Variants in XPO5 observed in about 807,000 individuals in gnomAD.
XPO5 encodes the protein exportin-5.
In XPO5, 46 loss-of-function variants were observed where a neutral mutation model predicts 160.6. The ratio of observed to expected loss-of-function variants is 0.29; its 90% CI spans 0.23 to 0.37. The LOEUF is 0.37. XPO5 is among the 10% of genes least tolerant of loss of function. XPO5 has a pLI of 1.00. For synonymous variants in XPO5, 537 were observed against 519.3 expected, an observed-to-expected ratio of 1.03 and a Z score of -0.46; for missense variants, 1,090 against 1,463.9, an observed-to-expected ratio of 0.74 and a Z score of 4.17.
At position 43,576,024 on chromosome 6, in the gene XPO5, G is replaced by T; in HGVS notation, c.-160C>A. On this transcript the variant is annotated 5_prime_UTR_variant, in exon 1 of 32. Coordinates refer to ENST00000265351, the MANE Select transcript of XPO5 (RefSeq NM_020750.3). ...TAGCAGCAACTCGCGCTGGGAAGAA[G>T]CCGGCGCTGCGCACGCGCCCGGCCC... 1 of 603,088 alleles carries T rather than the reference G, an allele frequency of 1.7e-6. No individual in the cohort carries two copies. The highest frequency in any genetic ancestry group is 2.1e-5 in the South Asian group (1 of 46,794). The allele number at this position is 603,088 out of a possible 1,614,324, so 37.4% of individuals were successfully genotyped here. A position where few individuals can be genotyped will look rare whatever the true frequency, so the allele number is the denominator to read the frequency against.
chr6:43,525,447 G>A (rs925759108), intron 28 of XPO5: 3 of 534,418 alleles, frequency 5.6e-6, no homozygotes, highest in Non-Finnish European at 9.9e-6. Flanking sequence ...TTAGGAGCTG[G>A]AGTTTTAAAT....
chr6:43,570,495 C>T lies in XPO5; in HGVS notation c.621+7G>A. On this transcript the variant is annotated splice_region_variant and intron_variant, in intron 5 of 31. Coordinates refer to ENST00000265351, the MANE Select transcript of XPO5 (RefSeq NM_020750.3). ...ATAGAAATGTTATAGGTAGGGGTAT[C>T]CCTTACCACTTGCTGATACTTGTTT... 1.2e-6 allele frequency: 2 copies of T among 1,612,070 alleles called. No homozygotes were observed. Among genetic ancestry groups the T allele is most frequent in the South Asian group, 1.1e-5 (1 of 90,816 alleles).
chr6:43,563,571 G>A lies in XPO5; in HGVS notation c.912-1225C>T, dbSNP rs896045301. Among the ~76,000 whole-genome samples, 2 of 152,154 alleles carry A rather than the reference G, an allele frequency of 1.3e-5. 1 individual carries two copies. Among genetic ancestry groups the A allele is most frequent in the Non-Finnish European group, 2.9e-5 (2 of 68,022 alleles). On this transcript the variant is annotated intron_variant, in intron 8 of 31. Transcript: ENST00000265351. ...TATCACCATTTGAACATGATAGAGT[G>A]TACTTACACAAACTTACACAACAGG... is the stretch of plus-strand genomic sequence containing the variant.
At position 43,526,765 on chromosome 6, in the gene XPO5, G is replaced by T; in HGVS notation, c.2921-18C>A. The T allele has an allele frequency of 6.2e-7, 1 of 1,612,386 alleles. No individual in the cohort carries two copies. The highest frequency in any genetic ancestry group is 8.5e-7 in the Non-Finnish European group (1 of 1,179,228). On this transcript the variant is annotated intron_variant, in intron 26 of 31. Coordinates refer to ENST00000265351, the MANE Select transcript of XPO5 (RefSeq NM_020750.3). Reference sequence around the variant, plus strand: ...GCAAACCGCTAAAGCAAGAAAGCAGGGTTACTAGGTGAAGGGTGGGTATAT... The same window carrying T: ...GCAAACCGCTAAAGCAAGAAAGCAGTGTTACTAGGTGAAGGGTGGGTATAT...
intron 31 of XPO5, 38 bp from the exon 32 acceptor site, chr6:43,524,043 C>T: frequency 1.9e-6 from 3 of 1,600,542 alleles, no homozygotes; most frequent in Non-Finnish European, 1.7e-6. Flanking sequence ...ATGCTGGGCC[C>T]TCAGTAGTAG....
In XPO5 at chr6:43,549,880, T is replaced by C. The variant is rs1561876600; in HGVS notation, c.1770+13A>G. Reference sequence around the variant, plus strand: ...AAGAAGTTAGAATCTATTGGTTTAATTAATGGTCTTACCTTACTTTCTTCA... The same window carrying C: ...AAGAAGTTAGAATCTATTGGTTTAACTAATGGTCTTACCTTACTTTCTTCA... On this transcript the variant is annotated intron_variant, in intron 16 of 31. Coordinates refer to ENST00000265351, the MANE Select transcript of XPO5 (RefSeq NM_020750.3). 2.5e-6 allele frequency: 4 copies of C among 1,606,028 alleles called. No individual in the cohort carries two copies. The highest frequency in any genetic ancestry group is 1.3e-5 in the African/African-American group (1 of 74,840).
At chr6:43,557,427 A>C (rs112903748) in intron 12 of XPO5, among the ~76,000 whole-genome samples, 2,840 of 151,504 alleles carry the variant, frequency 0.019, 35 homozygotes, top group South Asian at 0.039. Flanking sequence ...CTCCATCTCA[A>C]AAAAAAAAGA....
At chr6:43,525,035 C>G in intron 29 of XPO5, 67 bp from the exon 30 acceptor site, 1 of 1,587,974 alleles carries the variant, frequency 6.3e-7, no homozygotes. Flanking sequence ...CCCAGTTCTT[C>G]TGAATGATTT....
intron 19 of XPO5, chr6:43,547,235 G>A (rs898114088): frequency 1.1e-5 from 4 of 372,340 alleles, no homozygotes; most frequent in Admixed American, 8.1e-5. Context: ...AAATAGCAAA[G>A]CACTGAAAAA....
rs778802584 is a variant in XPO5 at position 43,527,688 on chromosome 6, T to C, written c.2866A>G (p.Met956Val). ...ATCCTCACCAGTTGCTCCTCCAGCA[T>C]CTCTTGAGACTCTGGGTTTTCATCT... ...AADENPESQE[M>V]LEEQLVRMLT... is the part of the protein sequence containing the mutation. Residue 956 changes from methionine to valine, a missense_variant, in exon 26 of 32, where the codon ATG (methionine) becomes GTG (valine). This residue lies in a region of XPO5 where 810 missense variants were observed against 1,139.0 expected (regional missense o/e 0.71). Transcript: ENST00000265351. 6.2e-7 allele frequency: 1 copy of C among 1,613,932 alleles called. No homozygotes were observed. Among genetic ancestry groups the C allele is most frequent in the Non-Finnish European group, 8.5e-7 (1 of 1,179,890 alleles).
chr6:43,558,248 G>A (rs1337893874), intron 12 of XPO5, among the ~76,000 whole-genome samples: 1 of 152,154 alleles, frequency 6.6e-6, no homozygotes, highest in African/African-American at 2.4e-5. Flanking sequence ...AAAGTCAAGA[G>A]CGTCTTAAGT....
intron 5 of XPO5, among the ~76,000 whole-genome samples, chr6:43,569,663 G>A (rs560653645): frequency 6.6e-6 from 1 of 151,848 alleles, no homozygotes; most frequent in African/African-American, 2.4e-5. Flanking sequence ...AACCCAGGAG[G>A]CGGAGGTTGC....
chr6:43,566,340 G>C (rs1762693145), intron 7 of XPO5, among the ~76,000 whole-genome samples: 1 of 152,096 alleles, frequency 6.6e-6, no homozygotes, highest in African/African-American at 2.4e-5. Context: ...GTTGCACTGA[G>C]CTGAGATTGC....
At chr6:43,524,754 G>A (rs1793446842) in intron 30 of XPO5, 77 bp downstream of exon 30, 2 of 1,592,008 alleles carry the variant, frequency 1.3e-6, no homozygotes, top group Non-Finnish European at 1.7e-6. Context: ...CCTGAATTTA[G>A]GATAAGGCCC....
In XPO5 at chr6:43,553,580, C is replaced by G. The variant is rs890280705; in HGVS notation, c.1442-77G>C. The G allele has an allele frequency of 7.3e-6, 11 of 1,499,978 alleles. No individual in the cohort carries two copies. In the East Asian group the frequency reaches 7.5e-5, roughly 10 times the overall value. The allele number at this position is 1,499,978 out of a possible 1,614,324, so 92.9% of individuals were successfully genotyped here. A position where few individuals can be genotyped will look rare whatever the true frequency, so the allele number is the denominator to read the frequency against. On this transcript the variant is annotated intron_variant, in intron 13 of 31. Coordinates refer to ENST00000265351, the MANE Select transcript of XPO5 (RefSeq NM_020750.3). ...CAGCATTGAAAGATCGCAGAAGACA[C>G]AGAGAGACAATGGAGCCTTAGAGAA...
At chr6:43,556,012 T>C (rs1302375629) in intron 12 of XPO5, 48 bp from the exon 13 acceptor site, 2 of 1,606,920 alleles carry the variant, frequency 1.2e-6, no homozygotes, top group East Asian at 2.2e-5. Context: ...ATAACTGGTA[T>C]AAAATAAGTA....
chr6:43,573,862 C>T (rs1339017892), intron 1 of XPO5, among the ~76,000 whole-genome samples: 29 of 143,600 alleles, frequency 2.0e-4, no homozygotes, highest in Non-Finnish European at 3.5e-4. Context: ...CTCACTCTGT[C>T]GCCCAGGCTG....
chr6:43,555,996 G>A (rs747475251), intron 12 of XPO5, 32 bp from the exon 13 acceptor site: 3 of 1,611,172 alleles, frequency 1.9e-6, no homozygotes, highest in Non-Finnish European at 2.5e-6. Context: ...GGAAGGACAG[G>A]AATCAATAAC....
Position 43,522,702 on chromosome 6 carries a change from C to G in XPO5, c.*1166G>C. 2.0e-6 allele frequency: 1 copy of G among 498,710 alleles called. No individual in the cohort carries two copies. Among genetic ancestry groups the G allele is most frequent in the South Asian group, 1.5e-5 (1 of 66,900 alleles). The allele number at this position is 498,710 out of a possible 1,614,324, so 30.9% of individuals were successfully genotyped here. A position where few individuals can be genotyped will look rare whatever the true frequency, so the allele number is the denominator to read the frequency against. On this transcript the variant is annotated 3_prime_UTR_variant, in exon 32 of 32. Transcript: ENST00000265351. ...TGTAGCTTCAGTCCACTTCGGCTCTCGGGGAAACCCTCTTGTCAGTGGACT... is the reference window on the plus strand; with the variant it reads ...TGTAGCTTCAGTCCACTTCGGCTCTGGGGGAAACCCTCTTGTCAGTGGACT...
Sources: gnomAD v4.1 joint callset for allele counts (sites outside exome capture counted in the v4.1 genomes callset) on GRCh38, gnomAD v4.1.1 for gene constraint, gnomAD v4.1.1 regional missense constraint, MANE v1.5 for transcripts, NCBI Gene and HGNC (gene_info 2026-07-23, HGNC 2026-07-21) for gene names.